LDB2: variants seen among roughly 807,000 people sequenced by gnomAD.
The protein encoded by LDB2 is LIM domain binding 2, also known as LIM domain-binding protein 2.
A neutral mutation model predicts 44.3 loss-of-function variants in LDB2; 12 were observed. That is an observed-to-expected ratio of 0.27 (90% CI 0.17 to 0.44). The LOEUF (loss-of-function observed/expected upper bound fraction) is 0.44, where lower values mean the gene tolerates loss of function less well. Ranked by LOEUF, LDB2 falls within the 20% of genes least tolerant of loss-of-function variation. The probability of loss-of-function intolerance (pLI) is 1.00; values close to 1 mark genes in which losing one functional copy is unlikely to be tolerated. For synonymous variants in LDB2, 164 were observed against 174.8 expected, an observed-to-expected ratio of 0.94 and a Z score of 0.49; for missense variants, 344 against 473.5, an observed-to-expected ratio of 0.73 and a Z score of 2.54.
chr4:16,810,279 C>G (rs188054031), intron 1 of LDB2, among the ~76,000 whole-genome samples: 1 of 152,308 alleles, frequency 6.6e-6, no homozygotes, highest in African/African-American at 2.4e-5. Context: ...TCAAATGCAT[C>G]TTCCTAAAAG....
chr4:16,815,523 A>G (rs1414792648), intron 1 of LDB2, among the ~76,000 whole-genome samples: 1 of 152,034 alleles, frequency 6.6e-6, no homozygotes, highest in Non-Finnish European at 1.5e-5. Context: ...TGAATCCTCT[A>G]TTTTTCACAA....
rs567511278 is a variant in LDB2 at position 16,549,329 on chromosome 4, C to T, written c.615+36593G>A. ...AAGTTATAACTGCATTAGGGGTCTA[C>T]TCTTAACAAGACCAACTTCACTGCT... On this transcript the variant is annotated intron_variant, in intron 5 of 7. Transcript: ENST00000304523. 5.1e-4 allele frequency among the ~76,000 whole-genome samples: 77 copies of T among 152,290 alleles called. 1 individual carries two copies. The South Asian group carries it at 0.01, about 20-fold the overall frequency.
intron 2 of LDB2, among the ~76,000 whole-genome samples, chr4:16,660,242 A>G (rs532855658): frequency 6.6e-6 from 1 of 152,308 alleles, no homozygotes; most frequent in African/African-American, 2.4e-5. Context: ...GATATTGGCA[A>G]TGTCTCTCAC....
intron 7 of LDB2, among the ~76,000 whole-genome samples, chr4:16,504,359 G>GAGTT (rs1718516008): frequency 6.6e-6 from 1 of 152,146 alleles, no homozygotes; most frequent in Admixed American, 6.5e-5. Flanking sequence ...CACCATTCTT[G>GAGTT]AGTTAGGGGA....
At chr4:16,563,528 A>C (rs1317674621) in intron 5 of LDB2, among the ~76,000 whole-genome samples, 3 of 140,066 alleles carry the variant, frequency 2.1e-5, no homozygotes, top group Non-Finnish European at 3.0e-5. Flanking sequence ...GGCTCACTGC[A>C]AACTCCGCCT....
chr4:16,800,657 G>C (rs1777617436), intron 1 of LDB2, among the ~76,000 whole-genome samples: 1 of 152,110 alleles, frequency 6.6e-6, no homozygotes, highest in Non-Finnish European at 1.5e-5. Flanking sequence ...AGGAATAGAA[G>C]ACGTTTCTTT....
chr4:16,813,123 C>T (rs1320772449), intron 1 of LDB2, among the ~76,000 whole-genome samples: 1 of 152,048 alleles, frequency 6.6e-6, no homozygotes, highest in Non-Finnish European at 1.5e-5. Flanking sequence ...CTCAACCTCC[C>T]TAGTAGCTGG....
At chr4:16,744,420 G>C (rs1259644215) in intron 2 of LDB2, among the ~76,000 whole-genome samples, 1 of 151,854 alleles carries the variant, frequency 6.6e-6, no homozygotes, top group Non-Finnish European at 1.5e-5. Context: ...GCCTCCCAAA[G>C]TTCTGGGATT....
intron 1 of LDB2, among the ~76,000 whole-genome samples, chr4:16,795,893 G>T (rs962113123): frequency 6.6e-6 from 1 of 152,132 alleles, no homozygotes; most frequent in African/African-American, 2.4e-5. Context: ...TTAGCAAATT[G>T]GATCCCATGG....
chr4:16,713,021 T>C (rs1344633646), intron 2 of LDB2, among the ~76,000 whole-genome samples: 3 of 152,162 alleles, frequency 2.0e-5, no homozygotes, highest in African/African-American at 7.2e-5. Flanking sequence ...TATTTGGCAA[T>C]AGAAAGGAAC....
chr4:16,862,595 T>C (rs1391073797), intron 1 of LDB2, among the ~76,000 whole-genome samples: 1 of 132,138 alleles, frequency 7.6e-6, no homozygotes, highest in East Asian at 2.2e-4. Flanking sequence ...ATCATGCCAT[T>C]GCACTCCAGC....
chr4:16,772,815 A>G (rs1324785924), intron 1 of LDB2, among the ~76,000 whole-genome samples: 3 of 152,376 alleles, frequency 2.0e-5, no homozygotes, highest in Middle Eastern at 3.4e-3. Flanking sequence ...GAAAGAAAAC[A>G]GAAATCTTTA....
chr4:16,840,286 T>A (rs1268909179), intron 1 of LDB2, among the ~76,000 whole-genome samples: 1 of 152,204 alleles, frequency 6.6e-6, no homozygotes, highest in African/African-American at 2.4e-5. Flanking sequence ...GAAAATGACT[T>A]TGAGTGACAA....
intron 2 of LDB2, among the ~76,000 whole-genome samples, chr4:16,655,296 T>C (rs1313363479): frequency 6.6e-6 from 1 of 152,032 alleles, no homozygotes; most frequent in Non-Finnish European, 1.5e-5. Flanking sequence ...CTCACAGACA[T>C]GAAGGGGTCT....
rs568346919 is a variant in LDB2, at chr4:16,770,526, T to C, written c.133-11266A>G. Among the ~76,000 whole-genome samples, 60 of 152,262 alleles carry C rather than the reference T, an allele frequency of 3.9e-4. No homozygotes were observed. In the Middle Eastern group the frequency reaches 0.01, roughly 26 times the overall value. ...CCTCACAGGCTCTCTATCAAGTTGG[T>C]AATTTTCTTATCCCAATGTCAGTGG... On this transcript the variant is annotated intron_variant, in intron 1 of 7. Transcript: ENST00000304523.
intron 1 of LDB2, among the ~76,000 whole-genome samples, chr4:16,851,872 T>G (rs1006969320): frequency 1.3e-5 from 2 of 152,170 alleles, no homozygotes; most frequent in Non-Finnish European, 2.9e-5. Flanking sequence ...AGGTAGAGTT[T>G]GAGCACAATC....
intron 1 of LDB2, among the ~76,000 whole-genome samples, chr4:16,798,757 T>C (rs1393075953): frequency 6.6e-6 from 1 of 152,246 alleles, no homozygotes; most frequent in East Asian, 1.9e-4. Context: ...TTTCTTTGGC[T>C]CTAGCCTCGA....
intron 1 of LDB2, among the ~76,000 whole-genome samples, chr4:16,898,120 G>T (rs1725857325): frequency 6.6e-6 from 1 of 151,738 alleles, no homozygotes. Context: ...CCCGGCATGT[G>T]AATCAAGTGC....
intron 5 of LDB2, among the ~76,000 whole-genome samples, chr4:16,559,529 A>G (rs1315568447): frequency 6.6e-6 from 1 of 152,228 alleles, no homozygotes; most frequent in African/African-American, 2.4e-5. Context: ...TCCTAAATAT[A>G]TATGCACCCA....
Sources: allele counts gnomAD v4.1 joint callset (sites outside exome capture counted in the v4.1 genomes callset), GRCh38; gene constraint gnomAD v4.1.1; transcripts MANE v1.5; gene names NCBI Gene and HGNC (gene_info 2026-07-23, HGNC 2026-07-21).